DENND5A: variants seen among roughly 807,000 people sequenced by gnomAD.
DENND5A encodes DENN domain containing 5A, also known as DENN domain-containing protein 5A.
Under a neutral mutation model 140.3 loss-of-function variants are expected in DENND5A, and 64 were observed. That is an observed-to-expected ratio of 0.46 (90% CI 0.37 to 0.56). The LOEUF is 0.56. DENND5A is among the 20% of genes least tolerant of loss of function. The pLI is 0.00. For missense variants in DENND5A, 1,292 were observed against 1,593.8 expected (o/e 0.81, Z 3.22); for synonymous variants, 605 against 607.7 (o/e 1.00, Z 0.07).
In DENND5A at chr11:9,180,617, G is replaced by C. The variant is rs113813337; in HGVS notation, c.1455+150C>G. 7.0e-4 allele frequency: 517 copies of C among 735,400 alleles called. 2 individuals are homozygous for C. Among genetic ancestry groups the C allele is most frequent in the African/African-American group, 5.6e-3 (319 of 57,206 alleles). The allele number at this position is 735,400 out of a possible 1,614,324, so 45.6% of individuals were successfully genotyped here. ...TTACTAGGATAACATCTGCCAGATG[G>C]AATTCAGAGTCCCCCATACAGAACA... On this transcript the variant is annotated intron_variant, in intron 6 of 22. Transcript: ENST00000328194.
At chr11:9,237,309 A>G (rs1046784636) in intron 1 of DENND5A, among the ~76,000 whole-genome samples, 2 of 152,046 alleles carry the variant, frequency 1.3e-5, no homozygotes, top group Admixed American at 1.3e-4. Context: ...AATCCCAGCT[A>G]CTTGGGAGGC....
At chr11:9,264,209 T>C (rs1852339762) in intron 1 of DENND5A, among the ~76,000 whole-genome samples, 1 of 152,188 alleles carries the variant, frequency 6.6e-6, no homozygotes, top group South Asian at 2.1e-4. Context: ...CAGGGCCCCA[T>C]CTTTGACTCC....
Position 9,220,322 on chromosome 11 carries a change from C to T in DENND5A, c.110-12690G>A, listed in dbSNP as rs1370160533. Among the ~76,000 whole-genome samples, 5 of 151,854 alleles carry T rather than the reference C, an allele frequency of 3.3e-5. No homozygotes were observed. The East Asian group carries it at 5.8e-4, about 18-fold the overall frequency. On this transcript the variant is annotated intron_variant, in intron 1 of 22. Transcript: ENST00000328194. ...CAACACTTTGGGAGGCCGACGCGGG[C>T]AGATCACCTGAGGTCAGGAGTTCAA...
intron 1 of DENND5A, among the ~76,000 whole-genome samples, chr11:9,235,415 T>C (rs571952265): frequency 6.6e-6 from 1 of 152,090 alleles, no homozygotes; most frequent in Admixed American, 6.5e-5. Context: ...TCCCAGCACT[T>C]TGGGAGGCCA....
intron 1 of DENND5A, among the ~76,000 whole-genome samples, chr11:9,238,935 G>A (rs543091596): frequency 1.3e-5 from 2 of 150,436 alleles, no homozygotes; most frequent in Admixed American, 6.7e-5. Flanking sequence ...GGGTTCAGAC[G>A]ATCCTCCTGC....
rs75717840 is a variant in DENND5A, at chr11:9,264,968, C to T, written c.102G>A (p.Glu34=). Residue 34 remains glutamate (E), a synonymous_variant, in exon 1 of 23, where the codon GAG becomes GAA. Transcript: ENST00000328194. ...GGCTCGGCGCGCACTCACCCGACAG[C>T]TCGTCCGGCTCCAGCCCGGTCTCCG... is the stretch of plus-strand genomic sequence containing the variant. The part of the protein sequence containing the change: ...LDTETGLEPD[E]LSALCQYIQA... 5,604 of 1,582,382 alleles carry T rather than the reference C, an allele frequency of 3.5e-3. 173 individuals are homozygous for T. In the African/African-American group the frequency reaches 0.068, roughly 19 times the overall value.
intron 4 of DENND5A, among the ~76,000 whole-genome samples, chr11:9,197,423 C>T (rs1360717315): frequency 1.3e-5 from 2 of 149,534 alleles, no homozygotes; most frequent in Non-Finnish European, 3.0e-5. Flanking sequence ...GGGCTGAGTG[C>T]AGTGGCTCAC....
intron 1 of DENND5A, among the ~76,000 whole-genome samples, chr11:9,259,754 C>A (rs778346221): frequency 6.6e-6 from 1 of 152,052 alleles, no homozygotes. Context: ...TCAGGCCAGG[C>A]GAAGCGGCTC....
chr11:9,247,414 C>G (rs1444414350), intron 1 of DENND5A, among the ~76,000 whole-genome samples: 1 of 152,028 alleles, frequency 6.6e-6, no homozygotes, highest in Non-Finnish European at 1.5e-5. Context: ...AGTTCTACAA[C>G]AACTCTGAGA....
rs569735027 is a variant in DENND5A at position 9,216,183 on chromosome 11, T to C, written c.110-8551A>G. 2.6e-5 allele frequency among the ~76,000 whole-genome samples: 4 copies of C among 152,358 alleles called. No homozygotes were observed. The East Asian group carries it at 7.7e-4, about 29-fold the overall frequency. ...ACATTAAACAATTTACTGAGTCTTG[T>C]GAGTCTCATTTTCTTCACCTGAAAG... On this transcript the variant is annotated intron_variant, in intron 1 of 22. Transcript: ENST00000328194.
intron 1 of DENND5A, among the ~76,000 whole-genome samples, chr11:9,235,508 A>C (rs1328296259): frequency 6.6e-6 from 1 of 151,926 alleles, no homozygotes; most frequent in Non-Finnish European, 1.5e-5. Flanking sequence ...AAATACAAAA[A>C]TTAGCTGGGC....
At chr11:9,228,560 A>C (rs1850629110) in intron 1 of DENND5A, among the ~76,000 whole-genome samples, 1 of 152,030 alleles carries the variant, frequency 6.6e-6, no homozygotes, top group African/African-American at 2.4e-5. Flanking sequence ...ACCAGCCTGA[A>C]CAACATAGTG....
intron 20 of DENND5A, 94 bp downstream of exon 20, chr11:9,143,309 T>A (rs1432887810): frequency 2.7e-6 from 3 of 1,119,656 alleles, no homozygotes; most frequent in Non-Finnish European, 4.1e-6. Context: ...CCACAGCACA[T>A]GGGCCTGGAA....
chr11:9,170,055 G>A (rs1848320877), intron 9 of DENND5A, 106 bp from the exon 10 acceptor site: 1 of 917,932 alleles, frequency 1.1e-6, no homozygotes, highest in Non-Finnish European at 1.7e-6. Flanking sequence ...GCTGGACACA[G>A]GAAATGACCT....
chr11:9,170,805 C>A, intron 8 of DENND5A, 28 bp from the exon 9 acceptor site: 1 of 1,611,346 alleles, frequency 6.2e-7, no homozygotes, highest in Non-Finnish European at 8.5e-7. Context: ...CACACACACA[C>A]ACACACACAC....
At chr11:9,196,322 A>G (rs1001635701) in intron 4 of DENND5A, among the ~76,000 whole-genome samples, 2 of 152,152 alleles carry the variant, frequency 1.3e-5, no homozygotes, top group Non-Finnish European at 2.9e-5. Context: ...AGCCCCCTCT[A>G]AACAAACTAC....
chr11:9,145,262 T>A, intron 17 of DENND5A, 149 bp from the exon 18 acceptor site: 2 of 656,128 alleles, frequency 3.0e-6, no homozygotes, highest in Non-Finnish European at 2.7e-6. Flanking sequence ...CCGCCAGAAC[T>A]GCGGTACAGC....
chr11:9,257,459 T>C (rs1331176575), intron 1 of DENND5A, among the ~76,000 whole-genome samples: 6 of 147,640 alleles, frequency 4.1e-5, no homozygotes, highest in Admixed American at 1.4e-4. Context: ...AAGATATCCT[T>C]AATGATAATC....
chr11:9,144,276 A>C lies in DENND5A; in HGVS notation c.3125T>G (p.Phe1042Cys). The change falls in exon 19 of 23, where the codon TTC (phenylalanine) becomes TGC (cysteine). Residue 1042 changes from phenylalanine to cysteine, a missense_variant and splice_region_variant. Phe to Cys is a radical substitution (Grantham distance 205, BLOSUM62 -2). Around this residue, in one of 4 missense-constraint regions of DENND5A, gnomAD observed 498 missense variants for 689.7 expected, o/e 0.72. Coordinates refer to ENST00000328194, the MANE Select transcript of DENND5A (RefSeq NM_015213.4). ...RNEITGHTYKFPCGRWLGKGM... is the reference protein window; with the variant it reads ...RNEITGHTYKCPCGRWLGKGM... The stretch of plus-strand genomic sequence containing the variant: ...CTTCCCTAACCACCGGCCACACGGG[A>C]ACCTGAAGATCAGACAATGGACTGT... 6.2e-7 allele frequency: 1 copy of C among 1,613,888 alleles called. No individual in the cohort carries two copies. Among genetic ancestry groups the C allele is most frequent in the East Asian group, 2.2e-5 (1 of 44,860 alleles).
Sources: allele counts gnomAD v4.1 joint callset (sites outside exome capture counted in the v4.1 genomes callset), GRCh38; gene constraint gnomAD v4.1.1; regional missense constraint gnomAD v4.1.1; transcripts MANE v1.5; gene names NCBI Gene and HGNC (gene_info 2026-07-23, HGNC 2026-07-21).